Variants in TMPRSS12 observed in about 807,000 individuals in gnomAD.
The protein encoded by TMPRSS12 is transmembrane serine protease 12.
In TMPRSS12, 25 loss-of-function variants were observed where a neutral mutation model predicts 26.0. The observed-to-expected ratio is 0.96, with a 90% CI of 0.70 to 1.34. TMPRSS12 has a LOEUF of 1.34. Ranked by LOEUF, TMPRSS12 falls within the 40% of genes most tolerant of loss-of-function variation. The pLI, the probability that TMPRSS12 is intolerant of heterozygous loss-of-function variation, is 0.00. For missense variants in TMPRSS12, 441 were observed against 440.1 expected (o/e 1.00, Z -0.02); for synonymous variants, 150 against 161.7 (o/e 0.93, Z 0.55).
At chr12:50,876,202 A>G (rs902457007) in intron 3 of TMPRSS12, among the ~76,000 whole-genome samples, 3 of 152,240 alleles carry the variant, frequency 2.0e-5, no homozygotes, top group Admixed American at 1.3e-4. Context: ...ATAATGAGAT[A>G]CTATCTCACA....
In TMPRSS12 at chr12:50,843,934, A is replaced by G. The variant is rs774595611; in HGVS notation, c.280A>G (p.Ser94Gly). 2 of 1,595,100 alleles carry G rather than the reference A, an allele frequency of 1.3e-6. No individual in the cohort carries two copies. The highest frequency in any genetic ancestry group is 2.7e-5 in the African/African-American group (2 of 74,740). Residue 94 changes from serine (S) to glycine (G), a missense_variant, in exon 2 of 5, where the codon AGC (serine) becomes GGC (glycine). Transcript: ENST00000398458. The stretch of plus-strand genomic sequence containing the variant: ...AGCTGGCGCATGGCCGTGGGTGGTG[A>G]GCCTGCAGATTAAATATGGCCGTGT... The part of the protein sequence containing the change: ...AQAGAWPWVV[S>G]LQIKYGRVLV...
At chr12:50,871,937 A>AAC (rs202025279) in intron 3 of TMPRSS12, among the ~76,000 whole-genome samples, 32 of 151,906 alleles carry the variant, frequency 2.1e-4, no homozygotes, top group African/African-American at 7.5e-4. Flanking sequence ...TAAAAAAAAA[A>AAC]ACAGTAGATG....
chr12:50,862,368 A>T (rs1937945534), intron 3 of TMPRSS12, among the ~76,000 whole-genome samples: 5 of 152,158 alleles, frequency 3.3e-5, no homozygotes, highest in Admixed American at 2.6e-4. Context: ...CCAAAATGTT[A>T]ACTTTTAATA....
intron 3 of TMPRSS12, among the ~76,000 whole-genome samples, chr12:50,871,720 C>T (rs893906588): frequency 1.3e-4 from 20 of 152,066 alleles, no homozygotes; most frequent in African/African-American, 4.6e-4. Flanking sequence ...CCAGAATCTG[C>T]AACAAACTTA....
At chr12:50,843,746 C>A in intron 1 of TMPRSS12, 96 bp from the exon 2 acceptor site, 1 of 1,280,482 alleles carries the variant, frequency 7.8e-7, no homozygotes, top group Non-Finnish European at 1.1e-6. Context: ...GTGTTTTTAA[C>A]ATAGGAATTT....
In TMPRSS12 at chr12:50,858,921, C is replaced by T. The variant is rs1937907895; in HGVS notation, c.520C>T (p.Leu174Phe). 6.3e-7 allele frequency: 1 copy of T among 1,587,206 alleles called. No homozygotes were observed. Among genetic ancestry groups the T allele is most frequent in the African/African-American group, 1.3e-5 (1 of 74,582 alleles). The change falls in exon 3 of 5, where the codon CTT (leucine) becomes TTT (phenylalanine). Residue 174 changes from leucine (L) to phenylalanine (F), a missense_variant. Coordinates refer to ENST00000398458, the MANE Select transcript of TMPRSS12 (RefSeq NM_182559.3). ...ILESYVNDIALFHLKKAVRYN... is the reference protein window; with the variant it reads ...ILESYVNDIAFFHLKKAVRYN... ...GGAATCTTATGTAAATGATATTGCACTTTTTCACTTAAAAAAAGCAGTGAG... is the reference window on the plus strand; with the variant it reads ...GGAATCTTATGTAAATGATATTGCATTTTTTCACTTAAAAAAAGCAGTGAG...
In TMPRSS12 at chr12:50,860,014, T is replaced by C. The variant is rs1025512465; in HGVS notation, c.652+961T>C. 1.1e-4 allele frequency among the ~76,000 whole-genome samples: 16 copies of C among 152,294 alleles called. No individual in the cohort carries two copies. In the East Asian group the frequency reaches 1.9e-3, roughly 18 times the overall value. ...GAGGGGTCTATTTTTCCTTGTGGGA[T>C]AGGAGAGAAAATTCTTTTCCAAAGC... is the stretch of plus-strand genomic sequence containing the variant. On this transcript the variant is annotated intron_variant, in intron 3 of 4. Transcript: ENST00000398458.
At chr12:50,847,353 G>T (rs944227954) in intron 2 of TMPRSS12, among the ~76,000 whole-genome samples, 2 of 151,996 alleles carry the variant, frequency 1.3e-5, no homozygotes, top group African/African-American at 4.8e-5. Context: ...CACTGTGCCC[G>T]GCCCCTAAAA....
chr12:50,864,327 C>G (rs578023202), intron 3 of TMPRSS12, among the ~76,000 whole-genome samples: 27 of 152,000 alleles, frequency 1.8e-4, no homozygotes, highest in African/African-American at 6.0e-4. Context: ...GCAGTGAAAT[C>G]GAATGGATTA....
chr12:50,854,191 C>G (rs1461473448), intron 2 of TMPRSS12, among the ~76,000 whole-genome samples: 1 of 151,206 alleles, frequency 6.6e-6, no homozygotes, highest in Admixed American at 6.6e-5. Flanking sequence ...TAAAACAGAA[C>G]TAAACAAACT....
intron 3 of TMPRSS12, among the ~76,000 whole-genome samples, chr12:50,872,416 G>A (rs1271629640): frequency 6.8e-6 from 1 of 148,126 alleles, no homozygotes; most frequent in Non-Finnish European, 1.5e-5. Flanking sequence ...GGGAGGCTGA[G>A]GCAGGAGAAT....
chr12:50,864,250 A>C (rs1257401004), intron 3 of TMPRSS12, among the ~76,000 whole-genome samples: 1 of 152,242 alleles, frequency 6.6e-6, no homozygotes, highest in Admixed American at 6.5e-5. Context: ...GACAACATCA[A>C]ATGCAAATTA....
chr12:50,853,500 C>CA (rs199639421), intron 2 of TMPRSS12, among the ~76,000 whole-genome samples: 6 of 110,060 alleles, frequency 5.5e-5, no homozygotes, highest in Non-Finnish European at 1.2e-4. Flanking sequence ...AATTGTGACA[C>CA]AAAAAAACAT....
rs191714998 is a variant in TMPRSS12, at chr12:50,847,488, T to A, written c.383+3451T>A. On this transcript the variant is annotated intron_variant, in intron 2 of 4. Coordinates refer to ENST00000398458, the MANE Select transcript of TMPRSS12 (RefSeq NM_182559.3). Reference sequence around the variant, plus strand: ...TTTTTTTTATTTTTATTTATTTTTATTTTTTATGAGAGGGAGTTTCGCTCT... The same window carrying A: ...TTTTTTTTATTTTTATTTATTTTTAATTTTTATGAGAGGGAGTTTCGCTCT... Among the ~76,000 whole-genome samples, 148 of 152,276 alleles carry A rather than the reference T, an allele frequency of 9.7e-4. 1 individual carries two copies. The highest frequency in any genetic ancestry group is 3.3e-3 in the African/African-American group (139 of 41,554).
At chr12:50,875,324 C>G (rs1938102585) in intron 3 of TMPRSS12, among the ~76,000 whole-genome samples, 1 of 151,706 alleles carries the variant, frequency 6.6e-6, no homozygotes, top group African/African-American at 2.4e-5. Context: ...AACCTCGTCT[C>G]TACTAAAAAT....
At chr12:50,860,673 G>A (rs541379401) in intron 3 of TMPRSS12, among the ~76,000 whole-genome samples, 24 of 151,878 alleles carry the variant, frequency 1.6e-4, no homozygotes, top group African/African-American at 5.1e-4. Flanking sequence ...GCAGGGACAC[G>A]ATCATGGCTC....
At chr12:50,885,483 T>C (rs766447482) in intron 4 of TMPRSS12, 95 bp downstream of exon 4, 8 of 1,368,642 alleles carry the variant, frequency 5.8e-6, no homozygotes, top group Non-Finnish European at 8.3e-6. Flanking sequence ...GTCTTAATTA[T>C]CAGGCCTAAA....
rs756994544 is a variant in TMPRSS12, at chr12:50,843,028, C to T, written c.64C>T (p.His22Tyr). The T allele has an allele frequency of 6.2e-7, 1 of 1,606,408 alleles. No individual in the cohort carries two copies. Among genetic ancestry groups the T allele is most frequent in the South Asian group, 1.1e-5 (1 of 89,478 alleles). The change falls in exon 1 of 5, where the codon CAC (histidine) becomes TAC (tyrosine). Residue 22 changes from histidine (H) to tyrosine (Y), a missense_variant. Physicochemically the swap from His to Tyr is moderately conservative, Grantham distance 83 (BLOSUM62 2). Transcript: ENST00000398458. ...GGGGAGCTCTCACTTATACTCAGACCACTACTCGCCCTCTGGAAGGCACAG... is the reference window on the plus strand; with the variant it reads ...GGGGAGCTCTCACTTATACTCAGACTACTACTCGCCCTCTGGAAGGCACAG... ...FVGSSHLYSD[H>Y]YSPSGRHRLG...
rs866587229 is a variant in TMPRSS12, at chr12:50,887,158, G to A, written c.796-104G>A. The A allele has an allele frequency of 6.2e-5, 74 of 1,193,050 alleles. No individual in the cohort carries two copies. In the Middle Eastern group the frequency reaches 2.6e-3, roughly 43 times the overall value. 73.9% of individuals were successfully genotyped at this position (1,193,050 alleles called of 1,614,324 possible). A position where few individuals can be genotyped will look rare whatever the true frequency, so the allele number is the denominator to read the frequency against. On this transcript the variant is annotated intron_variant, in intron 4 of 4. Coordinates refer to ENST00000398458, the MANE Select transcript of TMPRSS12 (RefSeq NM_182559.3). Reference sequence around the variant, plus strand: ...TAAATTGGGGGTATATTGAAAATGTGTATTTATATAAATGTATGTTTGATG... The same window carrying A: ...TAAATTGGGGGTATATTGAAAATGTATATTTATATAAATGTATGTTTGATG...
Sources: gnomAD v4.1 joint callset for allele counts (sites outside exome capture counted in the v4.1 genomes callset) on GRCh38, gnomAD v4.1.1 for gene constraint, MANE v1.5 for transcripts, NCBI Gene and HGNC (gene_info 2026-07-23, HGNC 2026-07-21) for gene names.